CNTRL: variants seen among roughly 807,000 people sequenced by gnomAD.
The protein encoded by CNTRL is centriolin.
CNTRL carries 233 observed loss-of-function variants against 303.7 expected under a neutral mutation model. The observed-to-expected ratio is 0.77, with a 90% CI of 0.69 to 0.86. The LOEUF is 0.86. CNTRL is among the 40% of genes least tolerant of loss of function. CNTRL has a pLI of 0.00. For missense variants in CNTRL, 2,524 were observed against 2,650.6 expected (o/e 0.95, Z 1.05); for synonymous variants, 900 against 922.2 (o/e 0.98, Z 0.44).
chr9:121,134,541 C>T (rs139528963), intron 14 of CNTRL, among the ~76,000 whole-genome samples: 2,893 of 152,204 alleles, frequency 0.019, 94 homozygotes, highest in African/African-American at 0.066. Flanking sequence ...GTGATCCACC[C>T]GCCTTGGCCT....
chr9:121,086,293 A>G (rs1236569790), intron 2 of CNTRL, among the ~76,000 whole-genome samples: 1 of 152,218 alleles, frequency 6.6e-6, no homozygotes, highest in Non-Finnish European at 1.5e-5. Flanking sequence ...GACAAATGTT[A>G]AGCAAAATGA....
chr9:121,164,924 G>A lies in CNTRL; in HGVS notation c.5424-19G>A. On this transcript the variant is annotated intron_variant, in intron 34 of 43. Transcript: ENST00000373855. Reference sequence around the variant, plus strand: ...TGTGTGCTTGTATATTTGACAGTCTGACTTACTCTCTGTGGTAGGGTTTTA... The same window carrying A: ...TGTGTGCTTGTATATTTGACAGTCTAACTTACTCTCTGTGGTAGGGTTTTA... 6.2e-7 allele frequency: 1 copy of A among 1,604,510 alleles called. No homozygotes were observed. Among genetic ancestry groups the A allele is most frequent in the African/African-American group, 1.3e-5 (1 of 74,432 alleles).
chr9:121,133,068 T>C (rs1588203162), intron 14 of CNTRL, among the ~76,000 whole-genome samples: 1 of 152,044 alleles, frequency 6.6e-6, no homozygotes, highest in African/African-American at 2.4e-5. Flanking sequence ...TACTGGGAGG[T>C]GTCTCCCAGT....
chr9:121,165,012 C>T lies in CNTRL; in HGVS notation c.5493C>T (p.Val1831=). The part of the protein sequence containing the change: ...QSNLEKLELN[V]RKLQQELDQL... ...ACTTAGAAAAGTTGGAATTGAATGT[C>T]AGAAAACTGCAGCAGGAACTAGACC... Residue 1831 remains valine (V), a synonymous_variant, in exon 35 of 44, where the codon GTC becomes GTT. Transcript: ENST00000373855. 6.2e-7 allele frequency: 1 copy of T among 1,611,048 alleles called. No homozygotes were observed. The highest frequency in any genetic ancestry group is 1.7e-4 in the Middle Eastern group (1 of 6,052).
chr9:121,098,340 G>C lies in CNTRL; in HGVS notation c.622-46G>C, dbSNP rs369416576. On this transcript the variant is annotated intron_variant, in intron 6 of 43. Transcript: ENST00000373855. ...TTGTAACTTCCTTTAAGTATGTTAT[G>C]ATTTTTAAATTAAATTATACCAATA... 2.2e-6 allele frequency: 3 copies of C among 1,361,350 alleles called. No homozygotes were observed. The East Asian group carries it at 7.1e-5, about 32-fold the overall frequency. 84.3% of individuals were successfully genotyped at this position (1,361,350 alleles called of 1,614,324 possible). A position where few individuals can be genotyped will look rare whatever the true frequency, so the allele number is the denominator to read the frequency against.
intron 1 of CNTRL, among the ~76,000 whole-genome samples, chr9:121,077,828 C>T (rs1271832050): frequency 6.6e-6 from 1 of 150,602 alleles, no homozygotes; most frequent in South Asian, 2.1e-4. Flanking sequence ...CGCCTGTAGT[C>T]CCAGCTACTC....
intron 30 of CNTRL, 88 bp downstream of exon 30, chr9:121,158,197 A>T: frequency 1.4e-6 from 2 of 1,450,326 alleles, no homozygotes; most frequent in South Asian, 2.6e-5. Context: ...AAAAGAATAA[A>T]TGCGGCTATG....
chr9:121,086,794 A>C (rs572675950), intron 2 of CNTRL, among the ~76,000 whole-genome samples: 1 of 152,126 alleles, frequency 6.6e-6, no homozygotes, highest in South Asian at 2.1e-4. Context: ...CTGGGATTAC[A>C]GGTGCATGCC....
chr9:121,132,373 C>T (rs940555208), intron 14 of CNTRL, among the ~76,000 whole-genome samples: 1 of 152,072 alleles, frequency 6.6e-6, no homozygotes, highest in African/African-American at 2.4e-5. Flanking sequence ...TGCTTTATTT[C>T]GTTAATTTGA....
chr9:121,155,170 G>T (rs2052502437), intron 27 of CNTRL, among the ~76,000 whole-genome samples: 2 of 152,150 alleles, frequency 1.3e-5, no homozygotes, highest in African/African-American at 4.8e-5. Context: ...AAATAAAACA[G>T]CGTATTTAAA....
At chr9:121,132,758 A>G (rs758287256) in intron 14 of CNTRL, among the ~76,000 whole-genome samples, 4 of 152,114 alleles carry the variant, frequency 2.6e-5, no homozygotes, top group Non-Finnish European at 5.9e-5. Context: ...GTTTCTCCCC[A>G]TCTTTGTGGT....
At chr9:121,110,222 T>C (rs1326352521) in intron 8 of CNTRL, among the ~76,000 whole-genome samples, 1 of 152,174 alleles carries the variant, frequency 6.6e-6, no homozygotes, top group Non-Finnish European at 1.5e-5. Flanking sequence ...AATTATTTAA[T>C]TCCTGTGCTT....
chr9:121,144,599 T>C (rs2051723556), intron 20 of CNTRL, among the ~76,000 whole-genome samples: 1 of 152,156 alleles, frequency 6.6e-6, no homozygotes, highest in Non-Finnish European at 1.5e-5. Context: ...TGGAAGACGG[T>C]AGTAAAAGTA....
chr9:121,081,968 T>C (rs2132062961), intron 2 of CNTRL, among the ~76,000 whole-genome samples: 1 of 152,330 alleles, frequency 6.6e-6, no homozygotes, highest in Non-Finnish European at 1.5e-5. Flanking sequence ...GCTGTCTGGG[T>C]GTCACCAGTC....
intron 7 of CNTRL, among the ~76,000 whole-genome samples, chr9:121,102,696 A>T (rs1471161314): frequency 6.6e-6 from 1 of 152,232 alleles, no homozygotes; most frequent in East Asian, 1.9e-4. Context: ...CAACTTCAGC[A>T]AACTCTCAGG....
intron 34 of CNTRL, 121 bp downstream of exon 34, chr9:121,162,392 A>C (rs201766119): frequency 9.6e-6 from 6 of 622,502 alleles, no homozygotes; most frequent in Admixed American, 4.5e-5. Context: ...TTGGTATCAT[A>C]ATACATTTTG....
chr9:121,107,782 T>A lies in CNTRL; in HGVS notation c.809-20T>A. 2 of 1,399,860 alleles carry A rather than the reference T, an allele frequency of 1.4e-6. No homozygotes were observed. Among genetic ancestry groups the A allele is most frequent in the Non-Finnish European group, 1.9e-6 (2 of 1,037,200 alleles). The allele number at this position is 1,399,860 out of a possible 1,614,324, so 86.7% of individuals were successfully genotyped here. On this transcript the variant is annotated intron_variant, in intron 7 of 43. Transcript: ENST00000373855. ...ATAGGAAATATAATGATAAATAAAC[T>A]ATTAAATTTTCATTGGCAGAAGAGG...
intron 2 of CNTRL, among the ~76,000 whole-genome samples, chr9:121,087,592 G>A (rs919915577): frequency 3.3e-5 from 5 of 152,096 alleles, no homozygotes; most frequent in Admixed American, 1.3e-4. Context: ...TCGGGAGGTC[G>A]AGGCAGAAGA....
rs541099142 is a variant in CNTRL, at chr9:121,149,559, C to T, written c.3650-611C>T. Among the ~76,000 whole-genome samples the T allele has an allele frequency of 1.8e-4, 28 of 152,162 alleles. 1 individual carries two copies. The South Asian group carries it at 5.8e-3, about 32-fold the overall frequency. On this transcript the variant is annotated intron_variant, in intron 24 of 43. Transcript: ENST00000373855. ...TAGCTGGGATTACAGGCGTGCACCACCATGCCTGGCTAATTTTTATATTTT... is the reference window on the plus strand; with the variant it reads ...TAGCTGGGATTACAGGCGTGCACCATCATGCCTGGCTAATTTTTATATTTT...
Sources: gnomAD v4.1 joint callset for allele counts (sites outside exome capture counted in the v4.1 genomes callset) on GRCh38, gnomAD v4.1.1 for gene constraint, MANE v1.5 for transcripts, NCBI Gene and HGNC (gene_info 2026-07-23, HGNC 2026-07-21) for gene names.